STRIP1: variants seen among roughly 807,000 people sequenced by gnomAD.
The protein encoded by STRIP1 is striatin-interacting protein 1.
A neutral mutation model predicts 106.2 loss-of-function variants in STRIP1; 63 were observed. That is an observed-to-expected ratio of 0.59 (90% CI 0.48 to 0.73). The LOEUF (loss-of-function observed/expected upper bound fraction) is 0.73. Ranked by LOEUF, STRIP1 falls within the 30% of genes least tolerant of loss-of-function variation. The pLI, the probability that STRIP1 is intolerant of heterozygous loss-of-function variation, is 0.00. For missense variants in STRIP1, 857 were observed against 1,074.8 expected (o/e 0.80, Z 2.83); for synonymous variants, 390 against 413.0 (o/e 0.94, Z 0.67).
intron 2 of STRIP1, 73 bp downstream of exon 2, chr1:110,038,033 T>C (rs1652545710): frequency 3.8e-6 from 3 of 798,600 alleles, no homozygotes; most frequent in Admixed American, 1.9e-5. Flanking sequence ...TAATAATGAA[T>C]ATCATTTAGG....
Position 110,054,257 on chromosome 1 carries a change from G to C in STRIP1, c.*345G>C, listed in dbSNP as rs939183882. 1 of 265,090 alleles carries C rather than the reference G, an allele frequency of 3.8e-6. No homozygotes were observed. The highest frequency in any genetic ancestry group is 7.4e-6 in the Non-Finnish European group (1 of 135,546). 16.4% of individuals were successfully genotyped at this position (265,090 alleles called of 1,614,324 possible). A position where few individuals can be genotyped will look rare whatever the true frequency, so the allele number is the denominator to read the frequency against. On this transcript the variant is annotated 3_prime_UTR_variant, in exon 21 of 21. Coordinates refer to ENST00000369795, the MANE Select transcript of STRIP1 (RefSeq NM_033088.4). ...CCTCCGCCGTGCATCTGAATTTCAG[G>C]GGTCATGCTGATGCCTCTCGAGACA...
intron 6 of STRIP1, among the ~76,000 whole-genome samples, 167 bp downstream of exon 6, chr1:110,040,870 G>A (rs797019321): frequency 3.2e-4 from 49 of 152,272 alleles, no homozygotes; most frequent in African/African-American, 1.1e-3. Flanking sequence ...CTGAGGGCTC[G>A]TCCTAGGTGG....
intron 1 of STRIP1, among the ~76,000 whole-genome samples, chr1:110,037,574 C>T (rs1652518231): frequency 6.6e-6 from 1 of 152,218 alleles, no homozygotes; most frequent in Admixed American, 6.5e-5. Flanking sequence ...ACCATTCATT[C>T]ATTCACTTAT....
In STRIP1 at chr1:110,054,506, A is replaced by C. The variant is rs1462814893; in HGVS notation, c.*594A>C. The C allele has an allele frequency of 1.3e-5, 2 of 152,970 alleles. No homozygotes were observed. Among genetic ancestry groups the C allele is most frequent in the African/African-American group, 4.8e-5 (2 of 41,424 alleles). The allele number at this position is 152,970 out of a possible 1,614,324, so 9.5% of individuals were successfully genotyped here. ...AAGGTAGGAAGAGAAGCTTCCCTTA[A>C]CCAGAGGGGCCATTTTTCCTTTTGG... On this transcript the variant is annotated 3_prime_UTR_variant, in exon 21 of 21. Transcript: ENST00000369795.
chr1:110,044,943 C>T lies in STRIP1; in HGVS notation c.1352+38C>T, dbSNP rs778785053. On this transcript the variant is annotated intron_variant, in intron 11 of 20. Coordinates refer to ENST00000369795, the MANE Select transcript of STRIP1 (RefSeq NM_033088.4). ...CGAGTTCATTTTGCTGTTAGCTCTC[C>T]CGGCCTTTGGTGTTTGGGATCCCAG... The T allele has an allele frequency of 2.0e-5, 32 of 1,613,666 alleles. No individual in the cohort carries two copies. In the South Asian group the frequency reaches 2.7e-4, roughly 14 times the overall value.
intron 2 of STRIP1, chr1:110,038,217 G>T: frequency 1.2e-5 from 2 of 171,644 alleles, no homozygotes; most frequent in Non-Finnish European, 1.2e-5. Context: ...GTGAGACAGT[G>T]ATGTTCCTTG....
intron 5 of STRIP1, among the ~76,000 whole-genome samples, 179 bp from the exon 6 acceptor site, chr1:110,040,456 A>C (rs1652703980): frequency 6.6e-6 from 1 of 152,248 alleles, no homozygotes; most frequent in Non-Finnish European, 1.5e-5. Context: ...TACTGGGATT[A>C]CAGGCATGAG....
chr1:110,039,179 CAA>C lies in STRIP1; in HGVS notation c.334_335del (p.Lys112GlufsTer4). ...EEDFRIHVTD[K>X]KWTELDTNQH... Reference sequence around the variant, plus strand: ...TGGTTTCTTGCCCTGCAGTGACAGACAAGAAGTGGACTGAGCTGGATACCAAC... The same window carrying C: ...TGGTTTCTTGCCCTGCAGTGACAGACGAAGTGGACTGAGCTGGATACCAAC... On this transcript the variant is annotated frameshift_variant, in exon 4 of 21. Transcript: ENST00000369795. LOFTEE classifies it high-confidence loss of function. The C allele has an allele frequency of 6.2e-7, 1 of 1,614,112 alleles. No homozygotes were observed. The highest frequency in any genetic ancestry group is 8.5e-7 in the Non-Finnish European group (1 of 1,179,998).
At chr1:110,045,852 ACT>A (rs1652995734) in intron 12 of STRIP1, among the ~76,000 whole-genome samples, 1 of 152,026 alleles carries the variant, frequency 6.6e-6, no homozygotes, top group Non-Finnish European at 1.5e-5. Flanking sequence ...CCCCTCCCAT[ACT>A]CTCCGATCAG....
chr1:110,034,663 G>T lies in STRIP1; in HGVS notation c.26G>T (p.Gly9Val). MEPAVGGP[G>V]PLIVNNKQPQ... The stretch of plus-strand genomic sequence containing the variant: ...ATGGAGCCGGCAGTCGGCGGTCCGG[G>T]CCCACTGATCGTGAACAACAAACAG... The change falls in exon 1 of 21, where the codon GGC becomes GTC. Residue 9 changes from glycine (G) to valine (V), a missense_variant. Coordinates refer to ENST00000369795, the MANE Select transcript of STRIP1 (RefSeq NM_033088.4). 1 of 1,523,186 alleles carries T rather than the reference G, an allele frequency of 6.6e-7. No individual in the cohort carries two copies. Among genetic ancestry groups the T allele is most frequent in the Admixed American group, 2.1e-5 (1 of 47,518 alleles). The allele number at this position is 1,523,186 out of a possible 1,614,324, so 94.4% of individuals were successfully genotyped here.
chr1:110,041,135 C>T (rs1039204849), intron 6 of STRIP1: 2 of 192,528 alleles, frequency 1.0e-5, no homozygotes, highest in South Asian at 2.4e-4. Context: ...AACTGCTGAC[C>T]ACCAAGATCA....
At chr1:110,048,173 A>C (rs1653120748) in intron 15 of STRIP1, 2 of 344,214 alleles carry the variant, frequency 5.8e-6, no homozygotes, top group Non-Finnish European at 1.1e-5. Context: ...CCAAAGCCCC[A>C]CTCTCCAGCT....
chr1:110,034,960 AG>A, intron 1 of STRIP1, 143 bp downstream of exon 1: 1 of 832,032 alleles, frequency 1.2e-6, no homozygotes, highest in Non-Finnish European at 1.7e-6. Flanking sequence ...CAGCGAAAGG[AG>A]CAGGAAGCGA....
At chr1:110,037,986 T>C in intron 2 of STRIP1, 26 bp downstream of exon 2, 1 of 1,547,984 alleles carries the variant, frequency 6.5e-7, no homozygotes, top group South Asian at 1.1e-5. Flanking sequence ...TTGTGTTATT[T>C]GGGGGTGGTT....
At chr1:110,038,781 T>A in intron 3 of STRIP1, 24 bp downstream of exon 3, 1 of 1,605,868 alleles carries the variant, frequency 6.2e-7, no homozygotes. Flanking sequence ...CCACACTTCT[T>A]GCTTCCTTTG....
intron 13 of STRIP1, 42 bp from the exon 14 acceptor site, chr1:110,047,500 T>A (rs369624534): frequency 6.5e-7 from 1 of 1,534,244 alleles, no homozygotes; most frequent in African/African-American, 1.4e-5. Flanking sequence ...GGAGATTGTA[T>A]TCTGGGCTGG....
upstream of STRIP1, among the ~76,000 whole-genome samples, chr1:110,031,909 T>A (rs1001991220): frequency 1.3e-5 from 2 of 151,612 alleles, no homozygotes; most frequent in East Asian, 1.9e-4. Context: ...ATTTTTTTTT[T>A]TTTTTTTAGA....
At chr1:110,049,417 G>C in intron 16 of STRIP1, 43 bp from the exon 17 acceptor site, 1 of 1,537,698 alleles carries the variant, frequency 6.5e-7, no homozygotes, top group Non-Finnish European at 8.9e-7. Flanking sequence ...AAGGTCCCAA[G>C]GGCCGCGCCT....
In STRIP1 at chr1:110,039,672, A is replaced by C. The variant is rs113091079; in HGVS notation, c.581+157A>C. 1.8e-3 allele frequency: 1,840 copies of C among 1,042,366 alleles called. 20 individuals are homozygous for C. In the African/African-American group the frequency reaches 0.026, roughly 15 times the overall value. 64.6% of individuals were successfully genotyped at this position (1,042,366 alleles called of 1,614,324 possible). ...CCTGGGTTGAATAACGGAGTTGGTC[A>C]CTTACACCTTGAAGATTAATGGAGA... On this transcript the variant is annotated intron_variant, in intron 5 of 20. Coordinates refer to ENST00000369795, the MANE Select transcript of STRIP1 (RefSeq NM_033088.4).
Sources: gnomAD v4.1 joint callset for allele counts (sites outside exome capture counted in the v4.1 genomes callset) on GRCh38, gnomAD v4.1.1 for gene constraint, MANE v1.5 for transcripts, NCBI Gene and HGNC (gene_info 2026-07-23, HGNC 2026-07-21) for gene names.